LRRC37A2: variants seen among roughly 807,000 people sequenced by gnomAD.
LRRC37A2 encodes the protein leucine-rich repeat-containing protein 37A2.
In LRRC37A2, 9 loss-of-function variants were observed where a neutral mutation model predicts 68.8. The observed-to-expected ratio is 0.13, with a 90% confidence interval of 0.08 to 0.23. The LOEUF (loss-of-function observed/expected upper bound fraction) is 0.23, where lower values mean the gene tolerates loss of function less well. Among genes scored for constraint, LRRC37A2 ranks in the 10% least tolerant of loss-of-function variants. The pLI is 1.00. For missense variants in LRRC37A2, 168 were observed against 950.4 expected (o/e 0.18, Z 10.82); for synonymous variants, 63 against 367.6 (o/e 0.17, Z 9.48).
At chr17:46,738,393 C>T in the LRRC37A2 span, among the ~76,000 whole-genome samples, 1 of 152,100 alleles carries the variant, frequency 6.6e-6, no homozygotes, top group Admixed American at 6.5e-5. Context: ...GAAGCTTAAC[C>T]TCTTTAAATA....
chr17:46,945,728 T>C, the LRRC37A2 span, among the ~76,000 whole-genome samples: 9 of 152,254 alleles, frequency 5.9e-5, no homozygotes, highest in South Asian at 1.2e-3. Context: ...TAAGAGTTTC[T>C]TGTGCCCCAG....
At chr17:47,019,891 C>T in the LRRC37A2 span, 1 of 749,226 alleles carries the variant, frequency 1.3e-6, no homozygotes, top group Admixed American at 2.0e-5. Context: ...TTTATCTCCC[C>T]AAGCCATATG....
At chr17:46,865,094 A>G in the LRRC37A2 span, among the ~76,000 whole-genome samples, 1 of 152,212 alleles carries the variant, frequency 6.6e-6, no homozygotes, top group Admixed American at 6.5e-5. Context: ...CACCTGATGC[A>G]TACGTGCCAG....
At chr17:47,035,780 A>G in the LRRC37A2 span, among the ~76,000 whole-genome samples, 1 of 152,154 alleles carries the variant, frequency 6.6e-6, no homozygotes, top group South Asian at 2.1e-4. Context: ...TTCCATCTGC[A>G]GTGTTTGAGG....
the LRRC37A2 span, among the ~76,000 whole-genome samples, chr17:46,731,561 C>T: frequency 6.6e-6 from 1 of 152,098 alleles, no homozygotes; most frequent in African/African-American, 2.4e-5. Flanking sequence ...TGAAAGGAGA[C>T]ATAGAGTTAG....
the LRRC37A2 span, among the ~76,000 whole-genome samples, chr17:46,493,686 C>T: frequency 2.0e-5 from 3 of 149,484 alleles, no homozygotes; most frequent in African/African-American, 5.1e-5. Context: ...TACAGGCACC[C>T]GCCCCCACGC....
the LRRC37A2 span, among the ~76,000 whole-genome samples, chr17:46,943,620 G>T: frequency 6.6e-6 from 1 of 152,230 alleles, no homozygotes; most frequent in South Asian, 2.1e-4. Context: ...CGTAGTAGGC[G>T]CAGGCGCCAT....
chr17:46,926,214 T>C, the LRRC37A2 span, among the ~76,000 whole-genome samples: 1 of 152,150 alleles, frequency 6.6e-6, no homozygotes, highest in Non-Finnish European at 1.5e-5. Context: ...ATGAGCGAAA[T>C]GTAAAGGCAA....
the LRRC37A2 span, among the ~76,000 whole-genome samples, chr17:46,824,860 C>T: frequency 6.6e-6 from 1 of 152,198 alleles, no homozygotes; most frequent in Non-Finnish European, 1.5e-5. Flanking sequence ...CCCCAGCTAC[C>T]CTGCTCTGTC....
chr17:46,900,762 GT>G, the LRRC37A2 span, among the ~76,000 whole-genome samples: 1 of 152,032 alleles, frequency 6.6e-6, no homozygotes, highest in East Asian at 1.9e-4. Flanking sequence ...AGTTGTATGT[GT>G]TTTTTTTCTT....
At chr17:46,754,253 G>T in the LRRC37A2 span, among the ~76,000 whole-genome samples, 2 of 144,588 alleles carry the variant, frequency 1.4e-5, no homozygotes, top group South Asian at 2.1e-4. Flanking sequence ...CTTTTTCTTA[G>T]TCCTTTGTAG....
chr17:46,914,087 G>A, the LRRC37A2 span, among the ~76,000 whole-genome samples: 1 of 152,058 alleles, frequency 6.6e-6, no homozygotes. Flanking sequence ...GATCTTTTGG[G>A]GAACTTTGAA....
the LRRC37A2 span, among the ~76,000 whole-genome samples, chr17:46,440,397 A>ATTTTT: frequency 4.7e-5 from 3 of 64,114 alleles, no homozygotes; most frequent in African/African-American, 8.7e-5. Flanking sequence ...ATTTTATTTT[A>ATTTTT]TTTTTTTTTT....
the LRRC37A2 span, among the ~76,000 whole-genome samples, chr17:46,880,120 G>A: frequency 6.6e-6 from 1 of 152,232 alleles, no homozygotes; most frequent in Admixed American, 6.5e-5. Context: ...GCTAGAGTGA[G>A]GGAGTCTAAT....
chr17:46,900,198 TATATACAC>T, the LRRC37A2 span, among the ~76,000 whole-genome samples: 1 of 92,096 alleles, frequency 1.1e-5, no homozygotes, highest in Non-Finnish European at 2.2e-5. Flanking sequence ...TATATATATA[TATATACAC>T]ACACACACAC....
chr17:46,875,604 C>A, the LRRC37A2 span, among the ~76,000 whole-genome samples: 1 of 152,206 alleles, frequency 6.6e-6, no homozygotes, highest in South Asian at 2.1e-4. Flanking sequence ...TTGGTGGAAG[C>A]AGTGGTCACC....
the LRRC37A2 span, among the ~76,000 whole-genome samples, chr17:46,862,864 G>A: frequency 5.8e-3 from 882 of 152,268 alleles, 2 homozygotes; most frequent in Non-Finnish European, 8.7e-3. Flanking sequence ...GATTACAAGC[G>A]TGAGCCACTG....
At chr17:46,923,331 C>T in the LRRC37A2 span, 2 of 1,534,762 alleles carry the variant, frequency 1.3e-6, no homozygotes, top group African/African-American at 1.4e-5. Flanking sequence ...CGAGTTTTTC[C>T]GCCAGGGCAC....
chr17:46,831,072 C>CA, the LRRC37A2 span, among the ~76,000 whole-genome samples: 1 of 152,098 alleles, frequency 6.6e-6, no homozygotes, highest in Non-Finnish European at 1.5e-5. Flanking sequence ...GAAAAGTGTT[C>CA]AAAAAATAGC....
Sources: gnomAD v4.1 joint callset for allele counts (sites outside exome capture counted in the v4.1 genomes callset) on GRCh38, gnomAD v4.1.1 for gene constraint, MANE v1.5 for transcripts, NCBI Gene and HGNC (gene_info 2026-07-23, HGNC 2026-07-21) for gene names.